Variants in OTOP1 observed in about 807,000 individuals in gnomAD.
The protein encoded by OTOP1 is otopetrin 1.
Under a neutral mutation model 52.9 loss-of-function variants are expected in OTOP1, and 59 were observed. The ratio of observed to expected loss-of-function variants is 1.12; its 90% CI spans 0.91 to 1.39. The LOEUF (loss-of-function observed/expected upper bound fraction) is 1.39. Among genes scored for constraint, OTOP1 ranks in the 40% most tolerant of loss-of-function variants. The pLI, the probability that OTOP1 is intolerant of heterozygous loss-of-function variation, is 0.00. For synonymous variants in OTOP1, 317 were observed against 337.7 expected (o/e 0.94, Z 0.67); for missense variants, 761 against 800.9 (o/e 0.95, Z 0.60).
intron 1 of OTOP1, among the ~76,000 whole-genome samples, chr4:4,218,333 A>G (rs867135201): frequency 1.2e-4 from 18 of 151,014 alleles, no homozygotes; most frequent in African/African-American, 4.1e-4. Flanking sequence ...CAGAGGTTGC[A>G]GTGAACCGAG....
chr4:4,203,968 C>T (rs963296747), intron 3 of OTOP1, among the ~76,000 whole-genome samples: 3 of 152,168 alleles, frequency 2.0e-5, no homozygotes, highest in African/African-American at 7.2e-5. Flanking sequence ...ACCTATAGGA[C>T]ATCAAAGAAG....
intron 5 of OTOP1, among the ~76,000 whole-genome samples, chr4:4,190,793 T>C (rs542648845): frequency 2.0e-5 from 3 of 152,248 alleles, no homozygotes; most frequent in South Asian, 2.1e-4. Flanking sequence ...CCTTAGGGGC[T>C]CTCCTACCTG....
Position 4,219,902 on chromosome 4 carries a change from CAT to C in OTOP1, c.403+6558_403+6559del, listed in dbSNP as rs71881460. ...GTATATATACACATATATGTATACA[CAT>C]ATATGTGTGTATATACGTATACATG... On this transcript the variant is annotated intron_variant, in intron 1 of 5. Coordinates refer to ENST00000296358, the MANE Select transcript of OTOP1 (RefSeq NM_177998.3). 8.0e-3 allele frequency among the ~76,000 whole-genome samples: 1,128 copies of C among 140,614 alleles called. 15 individuals are homozygous for C. The highest frequency in any genetic ancestry group is 0.028 in the African/African-American group (1,016 of 36,658). The allele number at this position is 140,614 out of a possible 152,430, so 92.2% of individuals were successfully genotyped here.
intron 1 of OTOP1, among the ~76,000 whole-genome samples, chr4:4,215,902 T>C (rs1717136853): frequency 6.6e-6 from 1 of 152,126 alleles, no homozygotes; most frequent in African/African-American, 2.4e-5. Flanking sequence ...CAAGTGATTC[T>C]TGTGCCTCAA....
chr4:4,207,051 CTA>C (rs1490618023), intron 2 of OTOP1, among the ~76,000 whole-genome samples: 1 of 152,174 alleles, frequency 6.6e-6, no homozygotes, highest in Non-Finnish European at 1.5e-5. Flanking sequence ...TCTTTATTCT[CTA>C]GTTATAAAAA....
intron 5 of OTOP1, 28 bp downstream of exon 5, chr4:4,197,138 A>G: frequency 6.4e-7 from 1 of 1,552,092 alleles, no homozygotes; most frequent in South Asian, 1.2e-5. Flanking sequence ...TAAAATTAAA[A>G]GAATAAGAAT....
intron 5 of OTOP1, among the ~76,000 whole-genome samples, chr4:4,191,443 G>C (rs1291033160): frequency 6.6e-6 from 1 of 152,020 alleles, no homozygotes; most frequent in Non-Finnish European, 1.5e-5. Flanking sequence ...TCCCGCATGG[G>C]GTGATAAAGC....
At chr4:4,204,925 C>A (rs1716866564) in intron 3 of OTOP1, among the ~76,000 whole-genome samples, 1 of 152,044 alleles carries the variant, frequency 6.6e-6, no homozygotes, top group African/African-American at 2.4e-5. Context: ...CGCCCACCAC[C>A]ACACACAGCT....
chr4:4,197,499 T>C lies in OTOP1; in HGVS notation c.1335A>G (p.Glu445=), dbSNP rs1325075795. 4.3e-6 allele frequency: 7 copies of C among 1,613,730 alleles called. No homozygotes were observed. In the African/African-American group the frequency reaches 5.3e-5, roughly 12 times the overall value. ...EKYIQNLFIF[E]SIHREPEKLS... is the part of the protein sequence containing the mutation. ...GTTTTTCAGGCTCTCGGTGAATGGA[T>C]TCAAAGATGAAGAGGTTCTGGATGT... Residue 445 remains glutamate (E), a synonymous_variant, in exon 5 of 6, where the codon GAA becomes GAG. Coordinates refer to ENST00000296358, the MANE Select transcript of OTOP1 (RefSeq NM_177998.3).
At chr4:4,197,076 C>T in intron 5 of OTOP1, 90 bp downstream of exon 5, 1 of 1,320,280 alleles carries the variant, frequency 7.6e-7, no homozygotes. Flanking sequence ...GCAATTTACC[C>T]ATTTAACAAA....
At chr4:4,219,924 TAC>T (rs1300294410) in intron 1 of OTOP1, among the ~76,000 whole-genome samples, 50 of 142,698 alleles carry the variant, frequency 3.5e-4, no homozygotes, top group African/African-American at 1.2e-3. Context: ...TATATACGTA[TAC>T]ATGTATACAT....
At chr4:4,195,459 G>A (rs1054763209) in intron 5 of OTOP1, among the ~76,000 whole-genome samples, 2 of 152,190 alleles carry the variant, frequency 1.3e-5, no homozygotes, top group African/African-American at 2.4e-5. Context: ...AGTGAGGGGT[G>A]CCCATGTGAG....
rs1457177798 is a variant in OTOP1 at position 4,221,740 on chromosome 4, G to A, written c.403+4722C>T. Among the ~76,000 whole-genome samples, 5 of 152,302 alleles carry A rather than the reference G, an allele frequency of 3.3e-5. No individual in the cohort carries two copies. The South Asian group carries it at 8.3e-4, about 25-fold the overall frequency. ...GAAACCCCAGTGCCCAAAACAGAGA[G>A]CAGCAAATGATTCATAATTTGCTGT... On this transcript the variant is annotated intron_variant, in intron 1 of 5. Transcript: ENST00000296358.
At chr4:4,200,658 A>T (rs1488816635) in intron 4 of OTOP1, among the ~76,000 whole-genome samples, 2 of 147,748 alleles carry the variant, frequency 1.4e-5, no homozygotes, top group Non-Finnish European at 3.0e-5. Flanking sequence ...GGCTCAAGTG[A>T]TCCACCTGCG....
At chr4:4,198,261 T>G (rs1716698704) in intron 4 of OTOP1, among the ~76,000 whole-genome samples, 158 bp from the exon 5 acceptor site, 1 of 152,224 alleles carries the variant, frequency 6.6e-6, no homozygotes, top group African/African-American at 2.4e-5. Flanking sequence ...TTTAATATCA[T>G]GGCTAAGTTG....
chr4:4,209,222 G>A (rs941333899), intron 2 of OTOP1, among the ~76,000 whole-genome samples: 1 of 152,152 alleles, frequency 6.6e-6, no homozygotes, highest in African/African-American at 2.4e-5. Flanking sequence ...GCCTGGGTCT[G>A]ACAAAAGCAA....
At chr4:4,226,286 CAG>C (rs796567275) in intron 1 of OTOP1, among the ~76,000 whole-genome samples, 174 bp downstream of exon 1, 3 of 96,338 alleles carry the variant, frequency 3.1e-5, no homozygotes, top group African/African-American at 6.2e-5. Context: ...ACCCAAGCTT[CAG>C]AGAGAGAGAG....
intron 1 of OTOP1, among the ~76,000 whole-genome samples, chr4:4,216,786 G>C (rs1394350663): frequency 1.3e-5 from 2 of 152,212 alleles, no homozygotes; most frequent in Non-Finnish European, 2.9e-5. Flanking sequence ...TGAAACTGTA[G>C]AGACCTGGAC....
At chr4:4,210,094 C>G (rs1647307262) in intron 2 of OTOP1, among the ~76,000 whole-genome samples, 2 of 152,200 alleles carry the variant, frequency 1.3e-5, no homozygotes, top group African/African-American at 4.8e-5. Flanking sequence ...GGGACTGTCT[C>G]TCACCTAACT....
Sources: allele counts gnomAD v4.1 joint callset (sites outside exome capture counted in the v4.1 genomes callset), GRCh38; gene constraint gnomAD v4.1.1; transcripts MANE v1.5; gene names NCBI Gene and HGNC (gene_info 2026-07-23, HGNC 2026-07-21).